The following CAMK2D variants were observed in gnomAD, a reference collection of about 807,000 sequenced individuals.
CAMK2D encodes calcium/calmodulin dependent protein kinase II delta, also known as calcium/calmodulin-dependent protein kinase type II subunit delta.
Under a neutral mutation model 84.0 loss-of-function variants are expected in CAMK2D, and 37 were observed. The ratio of observed to expected loss-of-function variants is 0.44; its 90% CI spans 0.34 to 0.58. CAMK2D has a LOEUF of 0.58. Ranked by LOEUF, CAMK2D falls within the 20% of genes least tolerant of loss-of-function variation. CAMK2D has a pLI of 0.02. For synonymous variants in CAMK2D, 202 were observed against 212.5 expected (o/e 0.95, Z 0.43); for missense variants, 448 against 652.5 (o/e 0.69, Z 3.41).
At chr4:113,583,249 T>C (rs2374001) in intron 4 of CAMK2D, among the ~76,000 whole-genome samples, 1 of 145,300 alleles carries the variant, frequency 6.9e-6, no homozygotes, top group South Asian at 2.2e-4. Context: ...GCACAAAAAA[T>C]GCAAGTTGAT....
At chr4:113,494,451 C>T (rs6858016) in intron 16 of CAMK2D, among the ~76,000 whole-genome samples, 8,913 of 152,106 alleles carry the variant, frequency 0.059, 827 homozygotes, top group African/African-American at 0.2. Flanking sequence ...TTAGGCTGCT[C>T]GGGGGTCAGG....
Position 113,457,315 on chromosome 4 carries a change from G to T in CAMK2D, c.1535+20C>A. 1 of 1,612,936 alleles carries T rather than the reference G, an allele frequency of 6.2e-7. No homozygotes were observed. Among genetic ancestry groups the T allele is most frequent in the South Asian group, 1.1e-5 (1 of 90,998 alleles). On this transcript the variant is annotated intron_variant, in intron 19 of 20. Coordinates refer to ENST00000511664, the MANE Select transcript of CAMK2D (RefSeq NM_001321571.2). ...CCATGGGTGTATTAACAAAGAAGCT[G>T]ACAGCCTGGAAATATTTACTTGATG...
chr4:113,600,188 C>T (rs931349080), intron 4 of CAMK2D, among the ~76,000 whole-genome samples: 8 of 152,138 alleles, frequency 5.3e-5, no homozygotes, highest in Admixed American at 4.6e-4. Context: ...TGCAACTATT[C>T]TGTATGATCC....
At chr4:113,481,125 C>T (rs1206722465) in intron 16 of CAMK2D, among the ~76,000 whole-genome samples, 2 of 152,012 alleles carry the variant, frequency 1.3e-5, no homozygotes, top group East Asian at 1.9e-4. Context: ...AATTATGGAG[C>T]GAGGTAATTA....
chr4:113,728,438 T>C (rs1290869629), intron 2 of CAMK2D, among the ~76,000 whole-genome samples: 1 of 152,122 alleles, frequency 6.6e-6, no homozygotes, highest in Non-Finnish European at 1.5e-5. Context: ...AACCAGATAG[T>C]AGTCTGTAGA....
intron 4 of CAMK2D, among the ~76,000 whole-genome samples, chr4:113,576,037 A>AAT (rs2098780155): frequency 6.6e-6 from 1 of 152,074 alleles, no homozygotes; most frequent in South Asian, 2.1e-4. Context: ...AAGCTCTTTT[A>AAT]ATATATATAT....
intron 18 of CAMK2D, among the ~76,000 whole-genome samples, chr4:113,459,034 A>T (rs2097338633): frequency 6.6e-6 from 1 of 152,188 alleles, no homozygotes; most frequent in Admixed American, 6.6e-5. Context: ...TTCTTTGAAA[A>T]GTGGCTGTTT....
In CAMK2D at chr4:113,692,747, T is replaced by C. The variant is rs139007045; in HGVS notation, c.161-30975A>G. Among the ~76,000 whole-genome samples the C allele has an allele frequency of 6.2e-4, 95 of 152,138 alleles. 1 individual carries two copies. In the East Asian group the frequency reaches 0.016, roughly 25 times the overall value. On this transcript the variant is annotated intron_variant, in intron 2 of 20. Coordinates refer to ENST00000511664, the MANE Select transcript of CAMK2D (RefSeq NM_001321571.2). ...ACATATATTCATACATACATATTCA[T>C]ATATACATACATACATATTCAGTGT...
intron 2 of CAMK2D, among the ~76,000 whole-genome samples, chr4:113,701,963 A>T (rs1434475675): frequency 1.3e-5 from 2 of 152,152 alleles, no homozygotes; most frequent in Non-Finnish European, 2.9e-5. Context: ...GGTCTCCCAA[A>T]GTGGTGACAC....
At chr4:113,633,332 T>C (rs547828952) in intron 3 of CAMK2D, among the ~76,000 whole-genome samples, 58 of 152,332 alleles carry the variant, frequency 3.8e-4, no homozygotes, top group African/African-American at 1.3e-3. Context: ...CCACAATTCC[T>C]TGGTTTTCTT....
intron 2 of CAMK2D, among the ~76,000 whole-genome samples, chr4:113,665,372 G>C (rs563103269): frequency 3.3e-5 from 5 of 152,316 alleles, no homozygotes; most frequent in African/African-American, 1.2e-4. Context: ...GACTTTTAGA[G>C]AGAGTAGGCA....
At chr4:113,681,972 C>T (rs761137077) in intron 2 of CAMK2D, among the ~76,000 whole-genome samples, 1 of 152,044 alleles carries the variant, frequency 6.6e-6, no homozygotes, top group Non-Finnish European at 1.5e-5. Context: ...TCAAAACTGA[C>T]ATTCTCTACC....
At chr4:113,458,193 G>A (rs760488078) in intron 18 of CAMK2D, among the ~76,000 whole-genome samples, 9 of 152,152 alleles carry the variant, frequency 5.9e-5, no homozygotes, top group Non-Finnish European at 1.2e-4. Context: ...TCAAAATGTG[G>A]TGTTGGCACA....
In CAMK2D at chr4:113,457,438, G is replaced by A; in HGVS notation, c.1432C>T (p.Pro478Ser). Residue 478 changes from proline to serine, a missense_variant, in exon 19 of 21, where the codon CCA becomes TCA. Physicochemically the swap from Pro to Ser is moderately conservative, Grantham distance 74. Transcript: ENST00000511664. ...GTCTCTTCTGACTGCATTGTCTTTGGCATTCCACTGCCATCCATGTACTGT... is the reference window on the plus strand; with the variant it reads ...GTCTCTTCTGACTGCATTGTCTTTGACATTCCACTGCCATCCATGTACTGT... The part of the protein sequence containing the change: ...LTQYMDGSGM[P>S]KTMQSEETRV... The A allele has an allele frequency of 6.2e-7, 1 of 1,613,826 alleles. No homozygotes were observed. Among genetic ancestry groups the A allele is most frequent in the Non-Finnish European group, 8.5e-7 (1 of 1,179,792 alleles).
At chr4:113,490,668 A>G (rs974404126) in intron 16 of CAMK2D, among the ~76,000 whole-genome samples, 3 of 151,612 alleles carry the variant, frequency 2.0e-5, no homozygotes, top group South Asian at 2.1e-4. Flanking sequence ...GTTTTTTCCA[A>G]TTCTGTGAAG....
In CAMK2D at chr4:113,531,245, T is replaced by A; in HGVS notation, c.572A>T (p.Tyr191Phe). Residue 191 changes from tyrosine (Y) to phenylalanine (F), a missense_variant, in exon 8 of 21, where the codon TAT becomes TTT. Physicochemically the swap from Tyr to Phe is conservative, Grantham distance 22. Transcript: ENST00000511664. ...LSPEVLRKDP[Y>F]GKPVDMWACG... ...TGCCCACATATCCACTGGCTTTCCATAAGGATCTTTACGTAAAACTTCTGG... is the reference window on the plus strand; with the variant it reads ...TGCCCACATATCCACTGGCTTTCCAAAAGGATCTTTACGTAAAACTTCTGG... The A allele has an allele frequency of 1.2e-6, 2 of 1,605,392 alleles. No homozygotes were observed. Among genetic ancestry groups the A allele is most frequent in the Non-Finnish European group, 1.7e-6 (2 of 1,172,150 alleles).
At chr4:113,748,064 A>G (rs577901338) in intron 2 of CAMK2D, among the ~76,000 whole-genome samples, 41 of 152,098 alleles carry the variant, frequency 2.7e-4, no homozygotes, top group African/African-American at 9.6e-4. Flanking sequence ...ATTCTTTTGG[A>G]AATCCAGTTC....
chr4:113,650,934 T>C (rs12506881), intron 3 of CAMK2D, among the ~76,000 whole-genome samples: 42,899 of 152,130 alleles, frequency 0.28, 6,836 homozygotes, highest in South Asian at 0.45. Context: ...TTATCTTCTT[T>C]GGTGAACAAC....
At chr4:113,703,212 G>C (rs1272454147) in intron 2 of CAMK2D, among the ~76,000 whole-genome samples, 1 of 152,120 alleles carries the variant, frequency 6.6e-6, no homozygotes, top group East Asian at 1.9e-4. Context: ...AGTAGTCGAG[G>C]GTTCAGTGAG....
Sources: gnomAD v4.1 joint callset for allele counts (sites outside exome capture counted in the v4.1 genomes callset) on GRCh38, gnomAD v4.1.1 for gene constraint, MANE v1.5 for transcripts, NCBI Gene and HGNC (gene_info 2026-07-23, HGNC 2026-07-21) for gene names.